The following MICU1 variants were observed in gnomAD, a reference collection of about 807,000 sequenced individuals.
MICU1 encodes mitochondrial calcium uptake 1.
Under a neutral mutation model 56.8 loss-of-function variants are expected in MICU1, and 45 were observed. The ratio of observed to expected loss-of-function variants is 0.79; its 90% CI spans 0.62 to 1.02. MICU1 has a LOEUF of 1.02. Ranked by LOEUF, MICU1 falls within the 50% of genes least tolerant of loss-of-function variation. The probability of loss-of-function intolerance (pLI) is 0.00; values close to 1 mark genes in which losing one functional copy is unlikely to be tolerated. For synonymous variants in MICU1, 186 were observed against 195.1 expected, an observed-to-expected ratio of 0.95 and a Z score of 0.39; for missense variants, 504 against 587.1, an observed-to-expected ratio of 0.86 and a Z score of 1.46.
intron 1 of MICU1, among the ~76,000 whole-genome samples, chr10:72,569,385 C>G (rs1840549990): frequency 6.6e-6 from 1 of 150,760 alleles, no homozygotes; most frequent in Admixed American, 6.6e-5. Flanking sequence ...CAGGCACATA[C>G]CATGATGCCT....
intron 8 of MICU1, among the ~76,000 whole-genome samples, chr10:72,471,630 T>C (rs1564888771): frequency 6.6e-6 from 1 of 152,210 alleles, no homozygotes; most frequent in East Asian, 1.9e-4. Context: ...CTAAAAGTAT[T>C]ACCCTAGTTT....
intron 1 of MICU1, among the ~76,000 whole-genome samples, chr10:72,575,429 T>C (rs1414032407): frequency 6.6e-6 from 1 of 152,228 alleles, no homozygotes; most frequent in Non-Finnish European, 1.5e-5. Flanking sequence ...TAAGTCTTCT[T>C]CAAATAAAGG....
rs546083965 is a variant in MICU1 at position 72,568,182 on chromosome 10, C to T, written c.-1-1388G>A. On this transcript the variant is annotated intron_variant, in intron 1 of 11. Coordinates refer to ENST00000361114, the MANE Select transcript of MICU1 (RefSeq NM_001195518.2). Reference sequence around the variant, plus strand: ...ACCCAGGTCCTTGGAAGCCCTCCTCCCTACCAGATTCTCTATAGTTCAAAC... The same window carrying T: ...ACCCAGGTCCTTGGAAGCCCTCCTCTCTACCAGATTCTCTATAGTTCAAAC... Among the ~76,000 whole-genome samples, 10 of 152,098 alleles carry T rather than the reference C, an allele frequency of 6.6e-5. No individual in the cohort carries two copies. The East Asian group carries it at 1.9e-3, about 29-fold the overall frequency.
At position 72,548,459 on chromosome 10, in the gene MICU1, T is replaced by C. The variant is rs191721390; in HGVS notation, c.493+2720A>G. On this transcript the variant is annotated intron_variant, in intron 4 of 11. Coordinates refer to ENST00000361114, the MANE Select transcript of MICU1 (RefSeq NM_001195518.2). ...TAATTGCAATATTTAAAAAGTATTATTGTTTTTAAAGTTCTTATATTTTAG... is the reference window on the plus strand; with the variant it reads ...TAATTGCAATATTTAAAAAGTATTACTGTTTTTAAAGTTCTTATATTTTAG... Among the ~76,000 whole-genome samples, 20 of 152,354 alleles carry C rather than the reference T, an allele frequency of 1.3e-4. No individual in the cohort carries two copies. The East Asian group carries it at 3.9e-3, about 29-fold the overall frequency.
chr10:72,479,469 A>G (rs928105569), intron 6 of MICU1, among the ~76,000 whole-genome samples: 2 of 152,238 alleles, frequency 1.3e-5, no homozygotes, highest in African/African-American at 4.8e-5. Flanking sequence ...TCAGGAGTTT[A>G]GGCTTGACCG....
chr10:72,516,903 T>C (rs959261826), intron 5 of MICU1, among the ~76,000 whole-genome samples: 3 of 152,192 alleles, frequency 2.0e-5, no homozygotes, highest in Non-Finnish European at 4.4e-5. Context: ...GAGAAGTTAC[T>C]TGTATGTTTT....
At chr10:72,547,396 T>C (rs1839923121) in intron 4 of MICU1, among the ~76,000 whole-genome samples, 1 of 152,076 alleles carries the variant, frequency 6.6e-6, no homozygotes, top group Non-Finnish European at 1.5e-5. Context: ...ACCTTTCATT[T>C]CTTTCTAATT....
rs1222949341 is a variant in MICU1, at chr10:72,501,553, ATGCAGCT to A, written c.652+6595_652+6601del. On this transcript the variant is annotated intron_variant, in intron 6 of 11. Coordinates refer to ENST00000361114, the MANE Select transcript of MICU1 (RefSeq NM_001195518.2). ...TATCATTACAAATTTATAATCAGTC[ATGCAGCT>A]TATATTCTAGATTGGAAAATGGACA... 9.2e-5 allele frequency among the ~76,000 whole-genome samples: 14 copies of A among 152,278 alleles called. No individual in the cohort carries two copies. The South Asian group carries it at 2.7e-3, about 29-fold the overall frequency.
At chr10:72,395,500 A>G (rs1589167579) in intron 10 of MICU1, among the ~76,000 whole-genome samples, 1 of 152,306 alleles carries the variant, frequency 6.6e-6, no homozygotes, top group South Asian at 2.1e-4. Flanking sequence ...TGGGAAGCAC[A>G]AGGGGTCAGG....
chr10:72,556,333 T>C (rs1840158327), intron 3 of MICU1, among the ~76,000 whole-genome samples: 1 of 152,180 alleles, frequency 6.6e-6, no homozygotes, highest in South Asian at 2.1e-4. Context: ...TAAATTCCAA[T>C]ATTAACATTC....
chr10:72,421,326 G>T (rs1864166383), intron 9 of MICU1, among the ~76,000 whole-genome samples: 1 of 151,530 alleles, frequency 6.6e-6, no homozygotes, highest in Non-Finnish European at 1.5e-5. Context: ...TGTGATCTTG[G>T]TTCACTGCAA....
At chr10:72,615,173 A>G (rs1308020219) in intron 1 of MICU1, among the ~76,000 whole-genome samples, 1 of 152,160 alleles carries the variant, frequency 6.6e-6, no homozygotes, top group East Asian at 1.9e-4. Context: ...GCTAGAGTGC[A>G]GTGGCATGAT....
At chr10:72,412,795 G>T (rs1486972777) in intron 9 of MICU1, among the ~76,000 whole-genome samples, 2 of 150,608 alleles carry the variant, frequency 1.3e-5, no homozygotes, top group Non-Finnish European at 2.9e-5. Context: ...AGGTTGCAGT[G>T]AGCCAAGATT....
intron 10 of MICU1, among the ~76,000 whole-genome samples, chr10:72,383,342 T>C (rs572320716): frequency 4.0e-4 from 61 of 152,302 alleles, no homozygotes; most frequent in Admixed American, 9.8e-4. Flanking sequence ...CTCCCAACCT[T>C]ATACCCCAGT....
intron 1 of MICU1, among the ~76,000 whole-genome samples, chr10:72,589,628 C>T (rs1651848357): frequency 9.2e-6 from 1 of 108,736 alleles, no homozygotes; most frequent in African/African-American, 2.5e-5. Flanking sequence ...CCCTATAAGA[C>T]ATTAAAACAT....
At chr10:72,587,625 A>G (rs377159328) in intron 1 of MICU1, among the ~76,000 whole-genome samples, 2 of 151,990 alleles carry the variant, frequency 1.3e-5, no homozygotes, top group African/African-American at 4.8e-5. Context: ...CAACGACAAC[A>G]ACAACAAAAT....
At chr10:72,436,817 T>C (rs1290134037) in intron 8 of MICU1, among the ~76,000 whole-genome samples, 4 of 152,068 alleles carry the variant, frequency 2.6e-5, no homozygotes, top group East Asian at 3.9e-4. Context: ...GTATCAGTGA[T>C]TGAAGATCAA....
At chr10:72,370,392 A>C (rs947199965) in intron 11 of MICU1, among the ~76,000 whole-genome samples, 3 of 152,092 alleles carry the variant, frequency 2.0e-5, no homozygotes, top group African/African-American at 7.2e-5. Context: ...TAAATGGTTT[A>C]CTTCTGTAGA....
intron 4 of MICU1, among the ~76,000 whole-genome samples, chr10:72,550,115 C>A (rs1839997863): frequency 6.6e-6 from 1 of 152,010 alleles, no homozygotes. Flanking sequence ...CATCATAGTA[C>A]AACTATTTTA....
Sources: gnomAD v4.1 joint callset for allele counts (sites outside exome capture counted in the v4.1 genomes callset) on GRCh38, gnomAD v4.1.1 for gene constraint, MANE v1.5 for transcripts, NCBI Gene and HGNC (gene_info 2026-07-23, HGNC 2026-07-21) for gene names.